MYO3A: variants seen among roughly 807,000 people sequenced by gnomAD.
MYO3A encodes myosin-IIIa.
MYO3A carries 180 observed loss-of-function variants against 192.7 expected under a neutral mutation model. That is an observed-to-expected ratio of 0.93 (90% CI 0.83 to 1.06). MYO3A has a LOEUF of 1.06. MYO3A is among the 50% of genes least tolerant of loss of function. MYO3A has a pLI of 0.00. For synonymous variants in MYO3A, 628 were observed against 645.3 expected (o/e 0.97, Z 0.41); for missense variants, 1,896 against 1,905.0 (o/e 1.00, Z 0.09).
chr10:26,029,493 C>A (rs1316397029), intron 10 of MYO3A, among the ~76,000 whole-genome samples: 3 of 152,090 alleles, frequency 2.0e-5, no homozygotes, highest in Non-Finnish European at 4.4e-5. Flanking sequence ...AATTGTTTCC[C>A]AATTCACTAA....
At chr10:26,174,651 T>C (rs1310783763) in intron 30 of MYO3A, 94 bp downstream of exon 30, 14 of 1,076,278 alleles carry the variant, frequency 1.3e-5, no homozygotes, top group Non-Finnish European at 1.8e-5. Context: ...GTAGATTGTT[T>C]TATCTGCGTT....
chr10:25,974,366 T>G (rs1838849907), intron 4 of MYO3A, among the ~76,000 whole-genome samples: 2 of 152,210 alleles, frequency 1.3e-5, no homozygotes, highest in African/African-American at 2.4e-5. Context: ...CTTGTTGCTC[T>G]CATGGAGTTA....
intron 10 of MYO3A, among the ~76,000 whole-genome samples, chr10:26,050,391 G>C (rs1421897504): frequency 6.6e-6 from 1 of 152,192 alleles, no homozygotes; most frequent in Non-Finnish European, 1.5e-5. Flanking sequence ...CCATTAACCA[G>C]ATTATTTTCC....
intron 2 of MYO3A, among the ~76,000 whole-genome samples, chr10:25,946,679 A>G (rs1334563538): frequency 2.0e-5 from 3 of 151,730 alleles, no homozygotes; most frequent in Non-Finnish European, 2.9e-5. Flanking sequence ...GGAGATCAAG[A>G]CCATCCTGGC....
In MYO3A at chr10:26,120,774, C is replaced by T; in HGVS notation, c.1875C>T (p.His625=). Residue 625 remains histidine (H), a synonymous_variant, in exon 18 of 35, where the codon CAC becomes CAT. Transcript: ENST00000642920. ...CTGAACACCAGATTGACAAGAGCCA[C>T]ATTTCTAATCATACAGCCCTGGAGA... ...VATEHQIDKS[H]ISNHTALENC... 6.2e-7 allele frequency: 1 copy of T among 1,614,080 alleles called. No homozygotes were observed. The highest frequency in any genetic ancestry group is 8.5e-7 in the Non-Finnish European group (1 of 1,179,982).
intron 17 of MYO3A, among the ~76,000 whole-genome samples, chr10:26,115,694 A>C (rs779525158): frequency 6.6e-6 from 1 of 152,216 alleles, no homozygotes; most frequent in Non-Finnish European, 1.5e-5. Flanking sequence ...ATAAAAATTT[A>C]GTACATCTCA....
At chr10:26,167,510 G>A (rs752223002) in intron 27 of MYO3A, among the ~76,000 whole-genome samples, 1 of 152,114 alleles carries the variant, frequency 6.6e-6, no homozygotes, top group Non-Finnish European at 1.5e-5. Context: ...GTTTTAACTT[G>A]TAAAAAGGCC....
intron 15 of MYO3A, among the ~76,000 whole-genome samples, chr10:26,093,592 A>T (rs1388477173): frequency 6.6e-6 from 1 of 151,816 alleles, no homozygotes; most frequent in Non-Finnish European, 1.5e-5. Context: ...ACCTCCCTGA[A>T]TTTTTCTTCT....
intron 29 of MYO3A, among the ~76,000 whole-genome samples, chr10:26,172,054 C>T (rs1302938385): frequency 6.6e-6 from 1 of 152,138 alleles, no homozygotes; most frequent in Non-Finnish European, 1.5e-5. Context: ...ATTGGGCTAA[C>T]TCTCATGGGA....
intron 17 of MYO3A, among the ~76,000 whole-genome samples, chr10:26,119,946 A>G (rs953144734): frequency 6.6e-6 from 1 of 151,472 alleles, no homozygotes; most frequent in Non-Finnish European, 1.5e-5. Flanking sequence ...GCTTGAGCCC[A>G]GGAGTTCGAG....
intron 6 of MYO3A, among the ~76,000 whole-genome samples, chr10:26,016,169 ATG>A (rs1564462214): frequency 6.6e-6 from 1 of 152,224 alleles, no homozygotes; most frequent in African/African-American, 2.4e-5. Flanking sequence ...GGTGCAATTA[ATG>A]GAATGACATG....
intron 32 of MYO3A, among the ~76,000 whole-genome samples, chr10:26,198,082 C>T (rs961995493): frequency 9.2e-5 from 14 of 152,202 alleles, no homozygotes; most frequent in African/African-American, 3.1e-4. Context: ...AAAATTATTT[C>T]CTTTACATTT....
intron 20 of MYO3A, among the ~76,000 whole-genome samples, chr10:26,128,982 A>G (rs912400230): frequency 3.3e-5 from 5 of 152,238 alleles, no homozygotes; most frequent in Admixed American, 2.6e-4. Flanking sequence ...TGCAAATGCC[A>G]TGAAATGATC....
rs989350965 is a variant in MYO3A at position 25,954,773 on chromosome 10, C to A, written c.169-101C>A. 22 of 1,261,556 alleles carry A rather than the reference C, an allele frequency of 1.7e-5. No individual in the cohort carries two copies. The East Asian group carries it at 5.1e-4, about 30-fold the overall frequency. The allele number at this position is 1,261,556 out of a possible 1,614,324, so 78.1% of individuals were successfully genotyped here. On this transcript the variant is annotated intron_variant, in intron 3 of 34. Coordinates refer to ENST00000642920, the MANE Select transcript of MYO3A (RefSeq NM_017433.5). The stretch of plus-strand genomic sequence containing the variant: ...TAAGCACAGTAAAAACTATTATGAC[C>A]TTGACATAATGAAATTCTGTATTTG...
chr10:26,028,502 A>G (rs569956947), intron 10 of MYO3A, among the ~76,000 whole-genome samples: 7 of 152,346 alleles, frequency 4.6e-5, no homozygotes, highest in African/African-American at 1.4e-4. Flanking sequence ...ATCCATGCCC[A>G]TCTTTTTATC....
At chr10:25,953,815 TG>T (rs1837367736) in intron 3 of MYO3A, among the ~76,000 whole-genome samples, 9 of 152,186 alleles carry the variant, frequency 5.9e-5, no homozygotes, top group Admixed American at 5.9e-4. Flanking sequence ...CTTTCATTCT[TG>T]TCACAGTACA....
At chr10:26,047,029 ATAAT>A (rs1180772777) in intron 10 of MYO3A, among the ~76,000 whole-genome samples, 5 of 152,218 alleles carry the variant, frequency 3.3e-5, no homozygotes, top group Non-Finnish European at 5.9e-5. Flanking sequence ...TGTTCTAGAA[ATAAT>A]TAATTATTTT....
At chr10:26,094,570 G>A (rs1048333046) in intron 15 of MYO3A, among the ~76,000 whole-genome samples, 2 of 151,990 alleles carry the variant, frequency 1.3e-5, no homozygotes, top group African/African-American at 2.4e-5. Flanking sequence ...GACTACAGGT[G>A]CCTGCCACCA....
Position 26,096,643 on chromosome 10 carries a change from A to C in MYO3A, c.1737A>C (p.Leu579Phe). The C allele has an allele frequency of 6.2e-7, 1 of 1,602,442 alleles. No individual in the cohort carries two copies. The highest frequency in any genetic ancestry group is 8.6e-7 in the Non-Finnish European group (1 of 1,169,376). ...GTTTCTATAAATCCCAGTATGAATT[A>C]ATTGAGCAATGTTTCAAAGTCATAG... ...NNSFYKSQYE[L>F]IEQCFKVIGF... Residue 579 changes from leucine to phenylalanine, a missense_variant, in exon 17 of 35, where the codon TTA becomes TTC. Leu to Phe is a conservative substitution (Grantham distance 22). Transcript: ENST00000642920.
Sources: gnomAD v4.1 joint callset for allele counts (sites outside exome capture counted in the v4.1 genomes callset) on GRCh38, gnomAD v4.1.1 for gene constraint, MANE v1.5 for transcripts, NCBI Gene and HGNC (gene_info 2026-07-23, HGNC 2026-07-21) for gene names.